UST: variants seen among roughly 807,000 people sequenced by gnomAD.
UST encodes the protein chondroitin sulfate 2-O-sulfotransferase.
Under a neutral mutation model 45.6 loss-of-function variants are expected in UST, and 21 were observed. The observed-to-expected ratio is 0.46, with a 90% CI of 0.33 to 0.66. UST has a LOEUF of 0.66. Among genes scored for constraint, UST ranks in the 30% least tolerant of loss-of-function variants. The pLI is 0.02. For synonymous variants in UST, 215 were observed against 200.6 expected, an observed-to-expected ratio of 1.07 and a Z score of -0.61; for missense variants, 463 against 512.4, an observed-to-expected ratio of 0.90 and a Z score of 0.93.
At chr6:148,829,985 A>G (rs1777651092) in intron 1 of UST, among the ~76,000 whole-genome samples, 1 of 152,236 alleles carries the variant, frequency 6.6e-6, no homozygotes, top group African/African-American at 2.4e-5. Context: ...AAAAACCACC[A>G]GGCACTACAC....
At chr6:148,795,265 A>T (rs1776924739) in intron 1 of UST, among the ~76,000 whole-genome samples, 1 of 152,182 alleles carries the variant, frequency 6.6e-6, no homozygotes, top group African/African-American at 2.4e-5. Flanking sequence ...CCAGCTTGTG[A>T]TACCAATGTG....
chr6:148,832,021 T>A (rs1339595989), intron 1 of UST, among the ~76,000 whole-genome samples: 1 of 152,158 alleles, frequency 6.6e-6, no homozygotes, highest in Non-Finnish European at 1.5e-5. Flanking sequence ...TTTGAGACAA[T>A]CTCTCTCTAT....
intron 5 of UST, among the ~76,000 whole-genome samples, chr6:148,991,560 T>TC (rs1221089855): frequency 7.4e-6 from 1 of 134,662 alleles, no homozygotes; most frequent in African/African-American, 2.8e-5. Context: ...CCACCCTGTG[T>TC]CCAAGTGTTC....
At chr6:148,760,406 G>A (rs533954378) in intron 1 of UST, among the ~76,000 whole-genome samples, 145 of 152,338 alleles carry the variant, frequency 9.5e-4, no homozygotes, top group African/African-American at 2.9e-3. Context: ...CAGTGGGTAA[G>A]AGGGTTCTTC....
At chr6:148,781,359 G>T (rs546999593) in intron 1 of UST, among the ~76,000 whole-genome samples, 1 of 152,280 alleles carries the variant, frequency 6.6e-6, no homozygotes, top group South Asian at 2.1e-4. Flanking sequence ...CCACAACATT[G>T]CGTTAAGCCA....
At chr6:149,025,780 GCAGA>G (rs1776040608) in intron 7 of UST, among the ~76,000 whole-genome samples, 1 of 151,996 alleles carries the variant, frequency 6.6e-6, no homozygotes, top group African/African-American at 2.4e-5. Context: ...GGAAGCCAAG[GCAGA>G]CAGATCACTT....
intron 2 of UST, among the ~76,000 whole-genome samples, chr6:148,927,245 A>G (rs35187970): frequency 0.28 from 42,345 of 151,904 alleles, 6,759 homozygotes; most frequent in African/African-American, 0.44. Context: ...GGGAAAAATC[A>G]TAGAAATACA....
At chr6:149,044,137 G>A (rs1486079149) in intron 7 of UST, among the ~76,000 whole-genome samples, 2 of 152,110 alleles carry the variant, frequency 1.3e-5, no homozygotes, top group Non-Finnish European at 2.9e-5. Context: ...TACATTTTTG[G>A]CTGAATAGTT....
intron 7 of UST, among the ~76,000 whole-genome samples, chr6:149,030,895 G>A (rs1776129410): frequency 6.6e-6 from 1 of 152,056 alleles, no homozygotes; most frequent in Non-Finnish European, 1.5e-5. Context: ...GCAGTGCAAG[G>A]TCTTTAAGAT....
chr6:148,988,442 C>T (rs756827734), intron 5 of UST, among the ~76,000 whole-genome samples: 3 of 151,698 alleles, frequency 2.0e-5, no homozygotes, highest in African/African-American at 7.3e-5. Flanking sequence ...AGCATGGTGG[C>T]GTGTGCCTGT....
intron 2 of UST, among the ~76,000 whole-genome samples, chr6:148,914,196 G>A (rs953760444): frequency 2.0e-5 from 3 of 152,148 alleles, no homozygotes; most frequent in Non-Finnish European, 4.4e-5. Context: ...AGATACATAA[G>A]GTTTGGTTTC....
At chr6:148,902,637 C>T (rs1251653640) in intron 2 of UST, among the ~76,000 whole-genome samples, 1 of 152,074 alleles carries the variant, frequency 6.6e-6, no homozygotes, top group African/African-American at 2.4e-5. Flanking sequence ...CCTCAGCTTC[C>T]CAAAGTGCTG....
chr6:148,906,636 G>A (rs1344824885), intron 2 of UST, among the ~76,000 whole-genome samples: 1 of 152,244 alleles, frequency 6.6e-6, no homozygotes, highest in Non-Finnish European at 1.5e-5. Context: ...GTATTTGGGG[G>A]CTTAACTTCT....
chr6:149,019,261 C>T (rs1775947528), intron 6 of UST, 25 bp downstream of exon 6: 1 of 1,571,694 alleles, frequency 6.4e-7, no homozygotes, highest in African/African-American at 1.4e-5. Flanking sequence ...AGGGTCATGG[C>T]ATGCACGTAC....
chr6:148,804,581 G>C (rs1490683591), intron 1 of UST, among the ~76,000 whole-genome samples: 1 of 152,168 alleles, frequency 6.6e-6, no homozygotes, highest in Non-Finnish European at 1.5e-5. Flanking sequence ...AACAGGCAAG[G>C]CTTTCTGGAA....
At chr6:148,954,536 T>C (rs995005437) in intron 4 of UST, among the ~76,000 whole-genome samples, 16 of 152,316 alleles carry the variant, frequency 1.1e-4, no homozygotes, top group Non-Finnish European at 2.1e-4. Flanking sequence ...TTGCCTCCAG[T>C]ATTCAGTATA....
intron 1 of UST, among the ~76,000 whole-genome samples, chr6:148,853,343 C>A (rs1396836759): frequency 6.6e-6 from 1 of 152,130 alleles, no homozygotes; most frequent in African/African-American, 2.4e-5. Context: ...TTTTCTTTAT[C>A]CAGTCTGTCG....
chr6:149,046,444 G>T (rs902027149), intron 7 of UST, among the ~76,000 whole-genome samples: 1 of 152,232 alleles, frequency 6.6e-6, no homozygotes, highest in Admixed American at 6.5e-5. Context: ...TTAACAAGAA[G>T]GCATCTTCTA....
At chr6:149,051,402 A>G (rs1368124802) in intron 7 of UST, among the ~76,000 whole-genome samples, 2 of 152,198 alleles carry the variant, frequency 1.3e-5, no homozygotes. Flanking sequence ...AGTGGTGGCG[A>G]GCATTCTGGA....
Sources: allele counts gnomAD v4.1 joint callset (sites outside exome capture counted in the v4.1 genomes callset), GRCh38; gene constraint gnomAD v4.1.1; transcripts MANE v1.5; gene names NCBI Gene and HGNC (gene_info 2026-07-23, HGNC 2026-07-21).